Variants in GRM7 observed in about 807,000 individuals in gnomAD.
GRM7 encodes metabotropic glutamate receptor 7.
Under a neutral mutation model 84.5 loss-of-function variants are expected in GRM7, and 35 were observed. The observed-to-expected ratio is 0.41, with a 90% CI of 0.32 to 0.55. The LOEUF is 0.55. GRM7 is among the 20% of genes least tolerant of loss of function. The pLI is 0.19. For synonymous variants in GRM7, 487 were observed against 455.1 expected, an observed-to-expected ratio of 1.07 and a Z score of -0.89; for missense variants, 1,003 against 1,194.6, an observed-to-expected ratio of 0.84 and a Z score of 2.36.
chr3:7,168,805 A>G lies in GRM7; in HGVS notation c.736+22137A>G, dbSNP rs180913100. 1.1e-3 allele frequency among the ~76,000 whole-genome samples: 169 copies of G among 152,318 alleles called. 1 individual carries two copies. The highest frequency in any genetic ancestry group is 3.6e-3 in the African/African-American group (148 of 41,580). On this transcript the variant is annotated intron_variant, in intron 2 of 9. Transcript: ENST00000357716. ...TTGAGTAACTACCAAGACTAGTCCT[A>G]AGGTAATGGCCAACTTCTCTATGAA...
At chr3:7,403,099 AT>A (rs1695519896) in intron 4 of GRM7, 3 of 418,664 alleles carry the variant, frequency 7.2e-6, no homozygotes, top group South Asian at 5.2e-5. Flanking sequence ...GTTATTAAAA[AT>A]AAAACGTGAA....
At position 7,146,688 on chromosome 3, in the gene GRM7, A is replaced by G; in HGVS notation, c.736+20A>G. 6.4e-7 allele frequency: 1 copy of G among 1,565,082 alleles called. No individual in the cohort carries two copies. The highest frequency in any genetic ancestry group is 8.8e-7 in the Non-Finnish European group (1 of 1,140,790). ...AGGCAGGTAGGATGAGATTGCTCTG[A>G]TCAAGCTGGCTCTCTTCAAACGTCT... On this transcript the variant is annotated intron_variant, in intron 2 of 9. Coordinates refer to ENST00000357716, the MANE Select transcript of GRM7 (RefSeq NM_000844.4).
At chr3:7,207,396 C>T (rs1696275888) in intron 2 of GRM7, among the ~76,000 whole-genome samples, 1 of 152,172 alleles carries the variant, frequency 6.6e-6, no homozygotes. Context: ...GTGAAATATG[C>T]AAATTTCATT....
rs145067758 is a variant in GRM7 at position 7,002,741 on chromosome 3, A to C, written c.519+140834A>C. Among the ~76,000 whole-genome samples, 305 of 152,318 alleles carry C rather than the reference A, an allele frequency of 2.0e-3. 4 individuals carry two copies. The East Asian group carries it at 0.03, about 15-fold the overall frequency. On this transcript the variant is annotated intron_variant, in intron 1 of 9. Coordinates refer to ENST00000357716, the MANE Select transcript of GRM7 (RefSeq NM_000844.4). ...ATCCAGCAATCCCATTTCTGGGTGT[A>C]TATCCAGAGGAATTGAAAGCAGTAT... is the stretch of plus-strand genomic sequence containing the variant.
At chr3:7,160,849 C>T (rs1694600717) in intron 2 of GRM7, among the ~76,000 whole-genome samples, 1 of 152,092 alleles carries the variant, frequency 6.6e-6, no homozygotes, top group Admixed American at 6.6e-5. Flanking sequence ...TAATGCTCAG[C>T]ATCCGTATCC....
chr3:7,019,664 C>A (rs540673748), intron 1 of GRM7, among the ~76,000 whole-genome samples: 1 of 152,164 alleles, frequency 6.6e-6, no homozygotes, highest in South Asian at 2.1e-4. Flanking sequence ...TTTTTATTAG[C>A]CAAAGCCAGT....
chr3:7,171,272 C>T lies in GRM7; in HGVS notation c.736+24604C>T, dbSNP rs531862373. On this transcript the variant is annotated intron_variant, in intron 2 of 9. Coordinates refer to ENST00000357716, the MANE Select transcript of GRM7 (RefSeq NM_000844.4). Reference sequence around the variant, plus strand: ...CTTCACTTATCTTCCCTCTGCTTGTCTGTGTTTGTGTCCAAATGTCCCCCT... The same window carrying T: ...CTTCACTTATCTTCCCTCTGCTTGTTTGTGTTTGTGTCCAAATGTCCCCCT... Among the ~76,000 whole-genome samples, 4 of 152,112 alleles carry T rather than the reference C, an allele frequency of 2.6e-5. No homozygotes were observed. In the South Asian group the frequency reaches 8.3e-4, roughly 32 times the overall value.
At position 7,020,525 on chromosome 3, in the gene GRM7, C is replaced by T. The variant is rs1393462049; in HGVS notation, c.520-125927C>T. 3.9e-5 allele frequency among the ~76,000 whole-genome samples: 6 copies of T among 152,130 alleles called. No homozygotes were observed. In the South Asian group the frequency reaches 8.3e-4, roughly 21 times the overall value. On this transcript the variant is annotated intron_variant, in intron 1 of 9. Transcript: ENST00000357716. Reference sequence around the variant, plus strand: ...TTGTTCAAATGCAGATTCCTGGAGTCCAACCCATACCTACTGACATAATGT... The same window carrying T: ...TTGTTCAAATGCAGATTCCTGGAGTTCAACCCATACCTACTGACATAATGT...
At chr3:7,066,181 G>C (rs902794846) in intron 1 of GRM7, among the ~76,000 whole-genome samples, 4 of 151,552 alleles carry the variant, frequency 2.6e-5, no homozygotes, top group African/African-American at 9.7e-5. Context: ...GATCAGAGCA[G>C]AACTAAATGA....
intron 2 of GRM7, among the ~76,000 whole-genome samples, chr3:7,176,839 A>G (rs1047470619): frequency 1.3e-5 from 2 of 152,168 alleles, no homozygotes; most frequent in Admixed American, 1.3e-4. Flanking sequence ...TCCATCTTCT[A>G]TTTTATACCT....
At chr3:7,003,858 G>A (rs560527574) in intron 1 of GRM7, among the ~76,000 whole-genome samples, 1 of 152,154 alleles carries the variant, frequency 6.6e-6, no homozygotes, top group African/African-American at 2.4e-5. Flanking sequence ...GCTAACTTGG[G>A]GTATCTCATG....
intron 7 of GRM7, among the ~76,000 whole-genome samples, chr3:7,551,673 C>G (rs1693485829): frequency 6.6e-6 from 1 of 151,688 alleles, no homozygotes; most frequent in Non-Finnish European, 1.5e-5. Context: ...AATAGTTGCA[C>G]AATAAATGAG....
intron 8 of GRM7, among the ~76,000 whole-genome samples, chr3:7,648,742 C>A (rs1216603114): frequency 6.6e-6 from 1 of 152,016 alleles, no homozygotes; most frequent in Admixed American, 6.5e-5. Flanking sequence ...AAAAGGACTT[C>A]AGATGCAGCA....
chr3:7,533,728 C>T (rs1024226713), intron 7 of GRM7, among the ~76,000 whole-genome samples: 4 of 152,142 alleles, frequency 2.6e-5, no homozygotes, highest in Admixed American at 6.5e-5. Flanking sequence ...CAATAGGAGA[C>T]TCAATGAAGT....
chr3:7,392,641 A>G (rs1185588276), intron 4 of GRM7, among the ~76,000 whole-genome samples: 3 of 152,096 alleles, frequency 2.0e-5, no homozygotes, highest in African/African-American at 7.2e-5. Context: ...GGTGTCAGGT[A>G]TTGTCCTAGA....
chr3:7,568,812 C>T (rs540751411), intron 7 of GRM7, among the ~76,000 whole-genome samples: 13 of 152,122 alleles, frequency 8.5e-5, no homozygotes, highest in African/African-American at 1.7e-4. Context: ...GATTTCTTGC[C>T]GGGCCTTAGC....
At chr3:7,468,580 C>T (rs1209268480) in intron 7 of GRM7, among the ~76,000 whole-genome samples, 1 of 152,136 alleles carries the variant, frequency 6.6e-6, no homozygotes, top group Non-Finnish European at 1.5e-5. Flanking sequence ...AATTTCACAT[C>T]CTTAGTTTGT....
At chr3:7,364,747 GCTCA>G (rs1330889963) in intron 4 of GRM7, among the ~76,000 whole-genome samples, 4 of 151,722 alleles carry the variant, frequency 2.6e-5, no homozygotes, top group Non-Finnish European at 5.9e-5. Flanking sequence ...CTGTAATCCT[GCTCA>G]CTGAGTTCCA....
chr3:7,556,605 A>T (rs1035604791), intron 7 of GRM7, among the ~76,000 whole-genome samples: 4 of 152,150 alleles, frequency 2.6e-5, no homozygotes, highest in Non-Finnish European at 5.9e-5. Flanking sequence ...ACTGATGAGG[A>T]CTCAACTGGT....
Sources: gnomAD v4.1 joint callset for allele counts (sites outside exome capture counted in the v4.1 genomes callset) on GRCh38, gnomAD v4.1.1 for gene constraint, MANE v1.5 for transcripts, NCBI Gene and HGNC (gene_info 2026-07-23, HGNC 2026-07-21) for gene names.